The following FMN1 variants were observed in gnomAD, a reference collection of about 807,000 sequenced individuals.
FMN1 encodes formin-1.
Under a neutral mutation model 132.4 loss-of-function variants are expected in FMN1, and 110 were observed. That is an observed-to-expected ratio of 0.83 (90% CI 0.71 to 0.97). The LOEUF (loss-of-function observed/expected upper bound fraction) is 0.97. FMN1 is among the 50% of genes least tolerant of loss of function. FMN1 has a pLI of 0.00. For missense variants in FMN1, 1,792 were observed against 1,705.3 expected (o/e 1.05, Z -0.90); for synonymous variants, 722 against 651.7 (o/e 1.11, Z -1.64).
rs1425449705 is a variant in FMN1 at position 32,771,695 on chromosome 15, T to C, written c.*2615A>G. On this transcript the variant is annotated 3_prime_UTR_variant, in exon 21 of 21. Transcript: ENST00000616417. The stretch of plus-strand genomic sequence containing the variant: ...AGCCACTTAAAGCCTGCTGGCAGGA[T>C]GTGCTTAAGCTGCCAAATGGCATCC... The C allele has an allele frequency of 6.6e-6, 1 of 152,252 alleles. No homozygotes were observed. Among genetic ancestry groups the C allele is most frequent in the Non-Finnish European group, 1.5e-5 (1 of 68,058 alleles). 9.4% of individuals were successfully genotyped at this position (152,252 alleles called of 1,614,324 possible). A position where few individuals can be genotyped will look rare whatever the true frequency, so the allele number is the denominator to read the frequency against.
At chr15:32,902,896 C>T (rs935943595) in intron 12 of FMN1, among the ~76,000 whole-genome samples, 8 of 152,122 alleles carry the variant, frequency 5.3e-5, no homozygotes, top group Non-Finnish European at 1.2e-4. Context: ...TACTAACAGC[C>T]ATTTATTTCA....
intron 17 of FMN1, among the ~76,000 whole-genome samples, chr15:32,836,400 G>T (rs1005584007): frequency 6.6e-6 from 1 of 152,146 alleles, no homozygotes; most frequent in African/African-American, 2.4e-5. Flanking sequence ...GGATAGTATA[G>T]TTCACATTTT....
At position 32,949,966 on chromosome 15, in the gene FMN1, C is replaced by CACAT. The variant is rs1555503133; in HGVS notation, c.3138+14140_3138+14141insATGT. 5.4e-4 allele frequency among the ~76,000 whole-genome samples: 4 copies of CACAT among 7,398 alleles called. 1 individual carries two copies. Among genetic ancestry groups the CACAT allele is most frequent in the Admixed American group, 1.3e-3 (1 of 756 alleles). The allele number at this position is 7,398 out of a possible 152,430, so 4.9% of individuals were successfully genotyped here. On this transcript the variant is annotated intron_variant, in intron 9 of 20. Coordinates refer to ENST00000616417, the MANE Select transcript of FMN1 (RefSeq NM_001277313.2). ...ATATATATATATATATATATATATA[C>CACAT]ACACATATATATACACACACATATA...
At chr15:32,796,955 C>T (rs1428412404) in intron 19 of FMN1, among the ~76,000 whole-genome samples, 3 of 152,028 alleles carry the variant, frequency 2.0e-5, no homozygotes, top group Non-Finnish European at 2.9e-5. Context: ...CCTGAAACTG[C>T]GAAATGAGAA....
chr15:32,877,395 A>C (rs2059663268), intron 16 of FMN1, among the ~76,000 whole-genome samples: 1 of 152,182 alleles, frequency 6.6e-6, no homozygotes, highest in Non-Finnish European at 1.5e-5. Flanking sequence ...CTGAGATGCA[A>C]GCCTGATATA....
At chr15:32,901,567 A>G (rs566504212) in intron 13 of FMN1, among the ~76,000 whole-genome samples, 1 of 152,192 alleles carries the variant, frequency 6.6e-6, no homozygotes, top group Non-Finnish European at 1.5e-5. Flanking sequence ...CTCAAGCAAA[A>G]TCTCTTCTGC....
chr15:32,809,767 C>G (rs2057809042), intron 17 of FMN1, among the ~76,000 whole-genome samples: 1 of 152,170 alleles, frequency 6.6e-6, no homozygotes, highest in Non-Finnish European at 1.5e-5. Flanking sequence ...TATCTCCCCA[C>G]AATTCCTTAT....
At position 32,988,314 on chromosome 15, in the gene FMN1, T is replaced by C. The variant is rs1357763718; in HGVS notation, c.2224-18837A>G. ...GGAAGAGGAAGTATTTTACAACCTT[T>C]TAATCTTAAAAAACAATAAATTTGA... On this transcript the variant is annotated intron_variant, in intron 7 of 20. Coordinates refer to ENST00000616417, the MANE Select transcript of FMN1 (RefSeq NM_001277313.2). Among the ~76,000 whole-genome samples, 3 of 152,144 alleles carry C rather than the reference T, an allele frequency of 2.0e-5. No individual in the cohort carries two copies. The East Asian group carries it at 5.8e-4, about 29-fold the overall frequency.
chr15:32,955,795 ATGTGTGTGCGTGTGCGTGTGTGTG>A (rs1231045278), intron 9 of FMN1, among the ~76,000 whole-genome samples: 3 of 147,170 alleles, frequency 2.0e-5, no homozygotes, highest in Non-Finnish European at 4.4e-5. Flanking sequence ...GATTTTAAAG[ATGTGTGTGCGTGTGCGTGTGTGTG>A]TGTGTGTGCG....
intron 16 of FMN1, among the ~76,000 whole-genome samples, chr15:32,870,965 GGAGGTAGGGGATTTCAA>G (rs1196987323): frequency 2.6e-5 from 4 of 152,162 alleles, no homozygotes; most frequent in African/African-American, 9.7e-5. Context: ...GATTGGTTTA[GGAGGTAGGGGATTTCAA>G]AAACAATAGG....
At chr15:32,789,594 C>T (rs1462101253) in intron 19 of FMN1, among the ~76,000 whole-genome samples, 2 of 152,130 alleles carry the variant, frequency 1.3e-5, no homozygotes, top group African/African-American at 2.4e-5. Context: ...TGTGGCACAA[C>T]TACTTTATTA....
chr15:33,160,868 A>G (rs1292128850), intron 3 of FMN1, among the ~76,000 whole-genome samples: 1 of 152,180 alleles, frequency 6.6e-6, no homozygotes, highest in African/African-American at 2.4e-5. Context: ...TTCTCCCTTG[A>G]TTCTTTTTCC....
At chr15:33,141,057 C>A (rs1332804278) in intron 4 of FMN1, among the ~76,000 whole-genome samples, 1 of 152,026 alleles carries the variant, frequency 6.6e-6, no homozygotes, top group Non-Finnish European at 1.5e-5. Flanking sequence ...ATGTTGGATG[C>A]TAATTATCAG....
intron 2 of FMN1, among the ~76,000 whole-genome samples, chr15:33,189,917 G>C (rs571891318): frequency 6.6e-6 from 1 of 152,302 alleles, no homozygotes; most frequent in Admixed American, 6.5e-5. Context: ...TGGACTCCCT[G>C]GTGTAACGGT....
intron 6 of FMN1, among the ~76,000 whole-genome samples, chr15:33,057,304 T>C (rs567124132): frequency 6.6e-6 from 1 of 152,326 alleles, no homozygotes; most frequent in South Asian, 2.1e-4. Flanking sequence ...AGATGTACTA[T>C]TTATTGATCT....
At chr15:32,962,568 G>A (rs183694747) in intron 9 of FMN1, among the ~76,000 whole-genome samples, 23 of 150,998 alleles carry the variant, frequency 1.5e-4, no homozygotes, top group Admixed American at 9.9e-4. Flanking sequence ...CTACAAAATG[G>A]GAGAAAATTT....
intron 17 of FMN1, among the ~76,000 whole-genome samples, chr15:32,822,524 TC>T (rs1250864319): frequency 1.3e-5 from 2 of 152,210 alleles, no homozygotes; most frequent in Non-Finnish European, 2.9e-5. Context: ...CATTTTTTTT[TC>T]CTGCATCCAG....
intron 6 of FMN1, among the ~76,000 whole-genome samples, chr15:33,034,347 G>A (rs1048779704): frequency 2.0e-5 from 3 of 152,090 alleles, no homozygotes; most frequent in African/African-American, 7.2e-5. Context: ...AAGGGTTCCA[G>A]GAAGACTGCT....
intron 17 of FMN1, among the ~76,000 whole-genome samples, chr15:32,808,631 A>G (rs141243726): frequency 7.0e-4 from 106 of 152,334 alleles, no homozygotes; most frequent in African/African-American, 2.5e-3. Flanking sequence ...AATGGGAATA[A>G]TAAGATCTAC....
Sources: gnomAD v4.1 joint callset for allele counts (sites outside exome capture counted in the v4.1 genomes callset) on GRCh38, gnomAD v4.1.1 for gene constraint, MANE v1.5 for transcripts, NCBI Gene and HGNC (gene_info 2026-07-23, HGNC 2026-07-21) for gene names.